PCDHA6: variants seen among roughly 807,000 people sequenced by gnomAD.
The protein encoded by PCDHA6 is protocadherin alpha-6.
In PCDHA6, 55 loss-of-function variants were observed where a neutral mutation model predicts 60.3. The observed-to-expected ratio is 0.91, with a 90% CI of 0.73 to 1.14. PCDHA6 has a LOEUF of 1.14. PCDHA6 is among the 50% of genes most tolerant of loss of function. The pLI is 0.00. For synonymous variants in PCDHA6, 652 were observed against 557.9 expected (o/e 1.17, Z -2.38); for missense variants, 1,327 against 1,256.5 (o/e 1.06, Z -0.85).
intron 1 of PCDHA6, among the ~76,000 whole-genome samples, chr5:140,912,874 G>T (rs2076102653): frequency 6.6e-6 from 1 of 152,026 alleles, no homozygotes; most frequent in Non-Finnish European, 1.5e-5. Context: ...TATGGTTTTT[G>T]GTCTTCATTC....
intron 1 of PCDHA6, among the ~76,000 whole-genome samples, chr5:140,917,324 CG>C (rs1299895515): frequency 5.3e-5 from 4 of 76,126 alleles, no homozygotes; most frequent in African/African-American, 1.7e-4. Context: ...GTTCATGTGG[CG>C]GGGGAGGGGG....
At chr5:140,861,124 A>G (rs1426704260) in intron 1 of PCDHA6, 4 of 153,324 alleles carry the variant, frequency 2.6e-5, no homozygotes, top group African/African-American at 9.6e-5. Flanking sequence ...AACACCCATT[A>G]AGACCACTTG....
chr5:140,875,484 C>T (rs1442383636), intron 1 of PCDHA6: 2 of 1,611,246 alleles, frequency 1.2e-6, no homozygotes, highest in Non-Finnish European at 1.7e-6. Flanking sequence ...TGGTGATTAT[C>T]GGACCAAGAG....
intron 1 of PCDHA6, chr5:140,871,468 G>C (rs781821721): frequency 6.2e-7 from 1 of 1,602,172 alleles, no homozygotes; most frequent in East Asian, 2.2e-5. Context: ...GGAAAGACAG[G>C]AGCCAGGGTC....
rs373922357 is a variant in PCDHA6, at chr5:140,927,079, G to A, written c.2395-51870G>A. ...CTTTCGCTTCCTTTCCAGCCACCGC[G>A]AGCTCTACTTCGGGGTGGATCTACC... On this transcript the variant is annotated intron_variant, in intron 1 of 3. Transcript: ENST00000529310. 2.5e-6 allele frequency: 4 copies of A among 1,610,988 alleles called. No homozygotes were observed. The highest frequency in any genetic ancestry group is 2.5e-6 in the Non-Finnish European group (3 of 1,177,702).
chr5:140,929,070 G>A lies in PCDHA6; in HGVS notation c.2395-49879G>A, dbSNP rs2085795989. 2.5e-6 allele frequency: 4 copies of A among 1,614,200 alleles called. No homozygotes were observed. The African/African-American group carries it at 5.3e-5, about 22-fold the overall frequency. ...GCTGTCGCTCTACAGAGGATCTGAG[G>A]TATGGAAGTAAGATGGTTTCAAATC... On this transcript the variant is annotated intron_variant, in intron 1 of 3. Coordinates refer to ENST00000529310, the MANE Select transcript of PCDHA6 (RefSeq NM_018909.4).
chr5:140,942,439 A>G (rs1554214983), intron 1 of PCDHA6, among the ~76,000 whole-genome samples: 1 of 152,082 alleles, frequency 6.6e-6, no homozygotes, highest in Non-Finnish European at 1.5e-5. Flanking sequence ...AACAATAAAC[A>G]AGTAAACTAT....
chr5:140,899,982 AT>A (rs1290251020), intron 1 of PCDHA6, among the ~76,000 whole-genome samples: 2 of 150,600 alleles, frequency 1.3e-5, no homozygotes, highest in African/African-American at 4.9e-5. Flanking sequence ...TACTTTTTTG[AT>A]TTTTTTTGTA....
At chr5:140,835,501 G>A in intron 1 of PCDHA6, 2 of 1,613,940 alleles carry the variant, frequency 1.2e-6, no homozygotes, top group Non-Finnish European at 1.7e-6. Flanking sequence ...ACATTGATTA[G>A]CGTGTTTGAC....
At chr5:141,006,181 G>A (rs960173277) in intron 3 of PCDHA6, among the ~76,000 whole-genome samples, 1 of 150,918 alleles carries the variant, frequency 6.6e-6, no homozygotes, top group Non-Finnish European at 1.5e-5. Flanking sequence ...TTTTAAAAGA[G>A]TTTGCTATAT....
chr5:140,986,737 G>A (rs1183806071), intron 3 of PCDHA6, among the ~76,000 whole-genome samples: 1 of 152,192 alleles, frequency 6.6e-6, no homozygotes, highest in African/African-American at 2.4e-5. Flanking sequence ...CAAGACCCCA[G>A]GGGATCTGGG....
rs2150339542 is a variant in PCDHA6 at position 140,842,572 on chromosome 5, A to T, written c.2394+12087A>T. 7.8e-6 allele frequency: 12 copies of T among 1,538,104 alleles called. 2 individuals carry two copies. In the South Asian group the frequency reaches 8.0e-5, roughly 10 times the overall value. On this transcript the variant is annotated intron_variant, in intron 1 of 3. Transcript: ENST00000529310. Reference sequence around the variant, plus strand: ...TGGACAGCGCCCTGGACCGCGAGAGAGTGTCGGCCTATGAGTTGGTGGTAA... The same window carrying T: ...TGGACAGCGCCCTGGACCGCGAGAGTGTGTCGGCCTATGAGTTGGTGGTAA...
intron 1 of PCDHA6, chr5:140,969,215 C>A (rs782320507): frequency 6.2e-7 from 1 of 1,614,010 alleles, no homozygotes; most frequent in Admixed American, 1.7e-5. Context: ...CCAGACAGGA[C>A]CAGGGCCTTC....
At chr5:140,989,527 G>A (rs1172019994) in intron 3 of PCDHA6, among the ~76,000 whole-genome samples, 1 of 152,192 alleles carries the variant, frequency 6.6e-6, no homozygotes, top group Non-Finnish European at 1.5e-5. Flanking sequence ...GGGCAGAGGA[G>A]GAAGATAGTT....
At chr5:140,835,281 G>A (rs2150233250) in intron 1 of PCDHA6, 1 of 1,611,780 alleles carries the variant, frequency 6.2e-7, no homozygotes, top group East Asian at 2.2e-5. Flanking sequence ...CCCCTTAAGT[G>A]GGGCAATCAC....
chr5:140,853,046 T>G (rs546337330), intron 1 of PCDHA6: 2 of 266,574 alleles, frequency 7.5e-6, no homozygotes, highest in Non-Finnish European at 1.2e-5. Flanking sequence ...GCCCGCCTAA[T>G]TTTTTTGTAT....
intron 2 of PCDHA6, among the ~76,000 whole-genome samples, chr5:140,979,710 A>C (rs1178718053): frequency 1.3e-5 from 2 of 152,268 alleles, no homozygotes; most frequent in African/African-American, 4.8e-5. Flanking sequence ...GAGGTGATCC[A>C]GTATCCATGC....
chr5:140,983,334 T>A (rs1314550664), intron 3 of PCDHA6, among the ~76,000 whole-genome samples: 1 of 152,234 alleles, frequency 6.6e-6, no homozygotes, highest in African/African-American at 2.4e-5. Context: ...GCCCTATCAC[T>A]AAAGCAGGGT....
Position 140,876,841 on chromosome 5 carries a change from C to T in PCDHA6, c.2394+46356C>T, listed in dbSNP as rs782712356. ...GAACGACAATGCGCCTGCGTTCGCGCAGCCCGAGTACACAGTGTTCGTGAA... is the reference window on the plus strand; with the variant it reads ...GAACGACAATGCGCCTGCGTTCGCGTAGCCCGAGTACACAGTGTTCGTGAA... On this transcript the variant is annotated intron_variant, in intron 1 of 3. Transcript: ENST00000529310. 4.3e-6 allele frequency: 7 copies of T among 1,614,130 alleles called. No homozygotes were observed. In the South Asian group the frequency reaches 7.7e-5, roughly 18 times the overall value.
Sources: gnomAD v4.1 joint callset for allele counts (sites outside exome capture counted in the v4.1 genomes callset) on GRCh38, gnomAD v4.1.1 for gene constraint, MANE v1.5 for transcripts, NCBI Gene and HGNC (gene_info 2026-07-23, HGNC 2026-07-21) for gene names.